Variants in NRG3 observed in about 807,000 individuals in gnomAD.
NRG3 encodes pro-neuregulin-3, membrane-bound isoform.
Under a neutral mutation model 66.9 loss-of-function variants are expected in NRG3, and 31 were observed. That is an observed-to-expected ratio of 0.46 (90% CI 0.35 to 0.63). NRG3 has a LOEUF of 0.63. NRG3 is among the 20% of genes least tolerant of loss of function. The pLI is 0.00. For synonymous variants in NRG3, 393 were observed against 359.4 expected (o/e 1.09, Z -1.06); for missense variants, 910 against 878.9 (o/e 1.04, Z -0.45).
Position 82,924,780 on chromosome 10 carries a change from A to G in NRG3, c.1055-26689A>G, listed in dbSNP as rs550421712. On this transcript the variant is annotated intron_variant, in intron 4 of 8. Transcript: ENST00000372141. ...TGATCCTCTGCATTTTGATGGGTAC[A>G]AGCTGTTCTTTGATATCATGGACAC... 8.5e-5 allele frequency among the ~76,000 whole-genome samples: 13 copies of G among 152,264 alleles called. No homozygotes were observed. The East Asian group carries it at 2.3e-3, about 27-fold the overall frequency.
chr10:82,329,443 T>G (rs1185239555), intron 1 of NRG3, among the ~76,000 whole-genome samples: 3 of 150,958 alleles, frequency 2.0e-5, no homozygotes, highest in Admixed American at 6.6e-5. Flanking sequence ...CTTGGTTTTT[T>G]TTTTTTTTTT....
chr10:82,418,139 T>C (rs2088718834), intron 2 of NRG3, among the ~76,000 whole-genome samples: 1 of 152,190 alleles, frequency 6.6e-6, no homozygotes, highest in South Asian at 2.1e-4. Context: ...GGGAAATAAC[T>C]GTCAGCTCCT....
At chr10:81,888,269 T>C (rs1287386971) in intron 1 of NRG3, among the ~76,000 whole-genome samples, 1 of 152,148 alleles carries the variant, frequency 6.6e-6, no homozygotes, top group African/African-American at 2.4e-5. Context: ...CTTGTATTTA[T>C]ATTCAATAAA....
chr10:82,175,689 A>G (rs918660702), intron 1 of NRG3, among the ~76,000 whole-genome samples: 1 of 152,110 alleles, frequency 6.6e-6, no homozygotes, highest in African/African-American at 2.4e-5. Flanking sequence ...TTTCTCCCTA[A>G]TTGGACTGTA....
intron 2 of NRG3, among the ~76,000 whole-genome samples, chr10:82,459,865 A>G (rs906331531): frequency 6.6e-6 from 1 of 152,226 alleles, no homozygotes; most frequent in Admixed American, 6.5e-5. Context: ...TTTTTCAAGA[A>G]AAAAGATAAT....
intron 1 of NRG3, among the ~76,000 whole-genome samples, chr10:82,349,150 A>T (rs1320712772): frequency 1.3e-5 from 2 of 151,396 alleles, no homozygotes; most frequent in Non-Finnish European, 3.0e-5. Flanking sequence ...TCTGCTTTTT[A>T]GAGTTTCCAG....
intron 3 of NRG3, among the ~76,000 whole-genome samples, chr10:82,837,009 T>TG (rs2062814803): frequency 6.6e-6 from 1 of 152,146 alleles, no homozygotes; most frequent in South Asian, 2.1e-4. Flanking sequence ...TTTTTGTCCT[T>TG]GCGATAGTTT....
At chr10:81,969,087 A>G (rs2133351821) in intron 1 of NRG3, among the ~76,000 whole-genome samples, 1 of 152,214 alleles carries the variant, frequency 6.6e-6, no homozygotes, top group East Asian at 1.9e-4. Context: ...TCAACAGTGG[A>G]GCATTGTTGA....
chr10:82,184,308 C>T (rs1283131624), intron 1 of NRG3, among the ~76,000 whole-genome samples: 2 of 152,066 alleles, frequency 1.3e-5, no homozygotes, highest in Non-Finnish European at 2.9e-5. Context: ...AAGAAAATAA[C>T]GTGGAAGTTG....
chr10:82,446,467 G>C (rs2090729692), intron 2 of NRG3, among the ~76,000 whole-genome samples: 1 of 152,152 alleles, frequency 6.6e-6, no homozygotes, highest in African/African-American at 2.4e-5. Context: ...AAAAAGGAAT[G>C]AGATCATGTC....
intron 2 of NRG3, among the ~76,000 whole-genome samples, chr10:82,643,605 TGAAA>T (rs1252809415): frequency 6.6e-6 from 1 of 152,132 alleles, no homozygotes; most frequent in Non-Finnish European, 1.5e-5. Context: ...TGTGAGGCCT[TGAAA>T]GAAACTTGAT....
intron 1 of NRG3, among the ~76,000 whole-genome samples, chr10:82,024,166 GTC>G (rs144978078): frequency 0.038 from 5,717 of 151,912 alleles, 171 homozygotes; most frequent in East Asian, 0.11. Flanking sequence ...CCTCTAGTGA[GTC>G]TCTGAATTTC....
rs74144147 is a variant in NRG3 at position 82,103,881 on chromosome 10, A to G, written c.823+227718A>G. ...AAAAAAGAAGAGGGAAAAGAAACAA[A>G]CAAACAAATAAATAAGTAGGGATTC... On this transcript the variant is annotated intron_variant, in intron 1 of 8. Transcript: ENST00000372141. Among the ~76,000 whole-genome samples, 12 of 152,196 alleles carry G rather than the reference A, an allele frequency of 7.9e-5. No individual in the cohort carries two copies. In the East Asian group the frequency reaches 2.3e-3, roughly 29 times the overall value.
intron 1 of NRG3, among the ~76,000 whole-genome samples, chr10:82,160,045 T>C (rs917722509): frequency 2.0e-5 from 3 of 151,934 alleles, no homozygotes; most frequent in Non-Finnish European, 4.4e-5. Context: ...TGTTTGTTTG[T>C]TTTAGTGGAT....
At chr10:82,843,382 C>A (rs1258547468) in intron 3 of NRG3, 11 of 283,508 alleles carry the variant, frequency 3.9e-5, no homozygotes, top group Non-Finnish European at 7.4e-5. Context: ...CAGGAAGGCC[C>A]TTATCAGATA....
chr10:82,718,428 G>A (rs1403766604), intron 2 of NRG3, among the ~76,000 whole-genome samples: 2 of 152,150 alleles, frequency 1.3e-5, no homozygotes, highest in African/African-American at 4.8e-5. Flanking sequence ...TAAAGCAACT[G>A]TTAGTATTGA....
At chr10:82,065,276 T>A (rs902129248) in intron 1 of NRG3, among the ~76,000 whole-genome samples, 1 of 152,218 alleles carries the variant, frequency 6.6e-6, no homozygotes, top group South Asian at 2.1e-4. Flanking sequence ...TAAAAACACA[T>A]AGACAATTGC....
chr10:82,037,989 GA>G, intron 1 of NRG3, among the ~76,000 whole-genome samples: 1 of 151,518 alleles, frequency 6.6e-6, no homozygotes, highest in African/African-American at 2.4e-5. Context: ...GAGAGAGAGA[GA>G]GAGCAAAAAA....
At chr10:81,987,241 C>A (rs183334452) in intron 1 of NRG3, among the ~76,000 whole-genome samples, 1 of 152,120 alleles carries the variant, frequency 6.6e-6, no homozygotes, top group Non-Finnish European at 1.5e-5. Flanking sequence ...CACGCCACCA[C>A]ACCCGGATAA....
Sources: gnomAD v4.1 joint callset for allele counts (sites outside exome capture counted in the v4.1 genomes callset) on GRCh38, gnomAD v4.1.1 for gene constraint, MANE v1.5 for transcripts, NCBI Gene and HGNC (gene_info 2026-07-23, HGNC 2026-07-21) for gene names.